OCA2: variants seen among roughly 807,000 people sequenced by gnomAD.
OCA2 encodes OCA2 melanosomal transmembrane protein.
Under a neutral mutation model 100.2 loss-of-function variants are expected in OCA2, and 77 were observed. The observed-to-expected ratio is 0.77, with a 90% CI of 0.64 to 0.93. The LOEUF is 0.93. Among genes scored for constraint, OCA2 ranks in the 40% least tolerant of loss-of-function variants. The pLI is 0.00. For missense variants in OCA2, 1,062 were observed against 1,089.1 expected (o/e 0.98, Z 0.35); for synonymous variants, 432 against 439.2 (o/e 0.98, Z 0.21).
chr15:27,968,826 T>C (rs1238803669), intron 14 of OCA2, among the ~76,000 whole-genome samples: 1 of 152,134 alleles, frequency 6.6e-6, no homozygotes, highest in African/African-American at 2.4e-5. Flanking sequence ...CTTTGGGTGA[T>C]CATATAGAAG....
intron 19 of OCA2, among the ~76,000 whole-genome samples, chr15:27,911,788 CA>C (rs2038407327): frequency 1.3e-5 from 2 of 152,084 alleles, no homozygotes; most frequent in Admixed American, 1.3e-4. Flanking sequence ...TTTGGAGGGA[CA>C]AGTATCCAAA....
intron 9 of OCA2, among the ~76,000 whole-genome samples, chr15:28,000,825 A>G (rs2041902844): frequency 6.6e-6 from 1 of 152,212 alleles, no homozygotes; most frequent in Admixed American, 6.5e-5. Context: ...TTCCCAAAGA[A>G]GACATGCAAA....
intron 1 of OCA2, among the ~76,000 whole-genome samples, chr15:28,082,770 G>A (rs1229967371): frequency 6.6e-6 from 1 of 151,834 alleles, no homozygotes; most frequent in African/African-American, 2.4e-5. Flanking sequence ...CTTTTTCTTT[G>A]GTTTTGTTTG....
At chr15:27,922,450 T>C (rs1180787704) in intron 19 of OCA2, among the ~76,000 whole-genome samples, 4 of 152,240 alleles carry the variant, frequency 2.6e-5, no homozygotes, top group African/African-American at 9.6e-5. Context: ...TAGCACAGTA[T>C]GTACCACAGT....
rs1175070297 is a variant in OCA2 at position 27,913,889 on chromosome 15, AAG to A, written c.2079+12236_2079+12237del. Among the ~76,000 whole-genome samples, 319 of 49,744 alleles carry A rather than the reference AAG, an allele frequency of 6.4e-3. 12 individuals carry two copies. Among genetic ancestry groups the A allele is most frequent in the Non-Finnish European group, 8.8e-3 (231 of 26,374 alleles). 32.6% of individuals were successfully genotyped at this position (49,744 alleles called of 152,430 possible). The stretch of plus-strand genomic sequence containing the variant: ...AAAGAAAGAAAGAAAGAAAGAAAGA[AAG>A]AAAGCAAGCAAGCAAGCAAGCAAGC... On this transcript the variant is annotated intron_variant, in intron 19 of 23. Coordinates refer to ENST00000354638, the MANE Select transcript of OCA2 (RefSeq NM_000275.3).
rs148339621 is a variant in OCA2, at chr15:27,999,265, C to G, written c.1045-8618G>C. ...GCAGCACATCACAAGGATCATATAC[C>G]ATGATTAAGTAGGAATTATTCCCAA... On this transcript the variant is annotated intron_variant, in intron 9 of 23. Coordinates refer to ENST00000354638, the MANE Select transcript of OCA2 (RefSeq NM_000275.3). Among the ~76,000 whole-genome samples, 174 of 152,196 alleles carry G rather than the reference C, an allele frequency of 1.1e-3. 1 individual carries two copies. Among genetic ancestry groups the G allele is most frequent in the African/African-American group, 4.1e-3 (170 of 41,540 alleles).
chr15:27,802,047 T>C (rs1293873774), intron 23 of OCA2, among the ~76,000 whole-genome samples: 1 of 152,182 alleles, frequency 6.6e-6, no homozygotes, highest in Non-Finnish European at 1.5e-5. Flanking sequence ...TATTTAGCTA[T>C]ATAGTAAATT....
intron 23 of OCA2, among the ~76,000 whole-genome samples, chr15:27,821,520 A>C (rs1459391469): frequency 6.6e-6 from 1 of 152,088 alleles, no homozygotes; most frequent in Non-Finnish European, 1.5e-5. Context: ...GTACACACCA[A>C]ATCATAATTC....
intron 2 of OCA2, among the ~76,000 whole-genome samples, chr15:28,039,782 C>A (rs1316007277): frequency 6.6e-6 from 1 of 152,150 alleles, no homozygotes; most frequent in Non-Finnish European, 1.5e-5. Flanking sequence ...TGCCTGTAAT[C>A]CCAATGCTTT....
At chr15:27,954,902 G>C (rs2040168064) in intron 17 of OCA2, among the ~76,000 whole-genome samples, 1 of 152,196 alleles carries the variant, frequency 6.6e-6, no homozygotes, top group Admixed American at 6.5e-5. Flanking sequence ...CGCTCAGAGG[G>C]CGGGCCCTGC....
intron 23 of OCA2, among the ~76,000 whole-genome samples, chr15:27,768,186 G>C (rs1315745434): frequency 6.6e-6 from 1 of 152,206 alleles, no homozygotes; most frequent in Non-Finnish European, 1.5e-5. Flanking sequence ...GGCTGAGGGA[G>C]CTCCACCGCC....
chr15:27,849,543 A>AAG, intron 22 of OCA2, among the ~76,000 whole-genome samples: 1 of 151,966 alleles, frequency 6.6e-6, no homozygotes, highest in South Asian at 2.1e-4. Context: ...GACCAGTTAA[A>AAG]AAAAAAAAAA....
the OCA2 span, among the ~76,000 whole-genome samples, chr15:27,724,285 C>T: frequency 6.6e-6 from 1 of 152,150 alleles, no homozygotes; most frequent in Admixed American, 6.5e-5. Flanking sequence ...TGGTTCCTAC[C>T]CGGGCTGTGA....
chr15:27,788,553 T>C (rs1482864282), intron 23 of OCA2, among the ~76,000 whole-genome samples: 1 of 152,142 alleles, frequency 6.6e-6, no homozygotes, highest in African/African-American at 2.4e-5. Context: ...TTTATCTTTT[T>C]CCTTCCTTTT....
At position 27,887,483 on chromosome 15, in the gene OCA2, A is replaced by G. The variant is rs1400745491; in HGVS notation, c.2080-15561T>C. ...GGGGCACCCCATCCCCTACAAAGAGATACCAGTGACTGGACAGAACCTGAG... is the reference window on the plus strand; with the variant it reads ...GGGGCACCCCATCCCCTACAAAGAGGTACCAGTGACTGGACAGAACCTGAG... On this transcript the variant is annotated intron_variant, in intron 19 of 23. Transcript: ENST00000354638. Among the ~76,000 whole-genome samples, 4 of 151,690 alleles carry G rather than the reference A, an allele frequency of 2.6e-5. No individual in the cohort carries two copies. The East Asian group carries it at 7.9e-4, about 30-fold the overall frequency.
rs530320929 is a variant in OCA2 at position 27,885,088 on chromosome 15, C to T, written c.2080-13166G>A. Among the ~76,000 whole-genome samples the T allele has an allele frequency of 3.9e-4, 59 of 152,246 alleles. 1 individual carries two copies. In the South Asian group the frequency reaches 0.012, roughly 30 times the overall value. ...AAGACAGTTAAGAATATAAAAGCTACATGACTTATGTTATAAGCCCTATAG... is the reference window on the plus strand; with the variant it reads ...AAGACAGTTAAGAATATAAAAGCTATATGACTTATGTTATAAGCCCTATAG... On this transcript the variant is annotated intron_variant, in intron 19 of 23. Coordinates refer to ENST00000354638, the MANE Select transcript of OCA2 (RefSeq NM_000275.3).
At chr15:27,770,539 C>T (rs1272869240) in intron 23 of OCA2, among the ~76,000 whole-genome samples, 1 of 152,192 alleles carries the variant, frequency 6.6e-6, no homozygotes, top group Admixed American at 6.5e-5. Flanking sequence ...CCCTTCCTTC[C>T]TCCCTCGCCG....
intron 15 of OCA2, among the ~76,000 whole-genome samples, chr15:27,964,490 G>C (rs1394599489): frequency 1.3e-5 from 2 of 152,180 alleles, no homozygotes; most frequent in African/African-American, 2.4e-5. Flanking sequence ...TGTGTCACTG[G>C]ATGGCAGAAT....
chr15:28,057,003 GC>G (rs1480271759), intron 2 of OCA2, among the ~76,000 whole-genome samples: 21 of 152,366 alleles, frequency 1.4e-4, no homozygotes, highest in Admixed American at 2.6e-4. Flanking sequence ...AGAGGCAGTG[GC>G]TGCATTTCTA....
Sources: allele counts gnomAD v4.1 joint callset (sites outside exome capture counted in the v4.1 genomes callset), GRCh38; gene constraint gnomAD v4.1.1; transcripts MANE v1.5; gene names NCBI Gene and HGNC (gene_info 2026-07-23, HGNC 2026-07-21).